Variants in SH3GL2 observed in about 807,000 individuals in gnomAD.
SH3GL2 encodes SH3 domain containing GRB2 like 2, endophilin A1.
A neutral mutation model predicts 46.0 loss-of-function variants in SH3GL2; 24 were observed. The ratio of observed to expected loss-of-function variants is 0.52; its 90% CI spans 0.38 to 0.73. The LOEUF (loss-of-function observed/expected upper bound fraction) is 0.73, where lower values mean the gene tolerates loss of function less well. SH3GL2 is among the 30% of genes least tolerant of loss of function. SH3GL2 has a pLI of 0.00. For synonymous variants in SH3GL2, 196 were observed against 147.1 expected (o/e 1.33, Z -2.40); for missense variants, 413 against 424.2 (o/e 0.97, Z 0.23).
chr9:17,763,756 G>T (rs1402621224), intron 3 of SH3GL2, among the ~76,000 whole-genome samples: 1 of 152,154 alleles, frequency 6.6e-6, no homozygotes, highest in African/African-American at 2.4e-5. Flanking sequence ...ACAAGGGTCA[G>T]AGAATTTAAG....
At chr9:17,742,673 A>G (rs1482570305) in intron 1 of SH3GL2, among the ~76,000 whole-genome samples, 1 of 152,166 alleles carries the variant, frequency 6.6e-6, no homozygotes, top group East Asian at 1.9e-4. Context: ...GGAAGACGAT[A>G]AAGAATAAGA....
intron 1 of SH3GL2, among the ~76,000 whole-genome samples, chr9:17,679,771 T>C (rs1234100104): frequency 6.6e-6 from 1 of 152,198 alleles, no homozygotes; most frequent in Non-Finnish European, 1.5e-5. Context: ...GGGTTTGTGA[T>C]AAATAGCTCT....
intron 3 of SH3GL2, among the ~76,000 whole-genome samples, chr9:17,775,992 A>G (rs1823631365): frequency 1.3e-5 from 2 of 152,178 alleles, no homozygotes; most frequent in South Asian, 4.1e-4. Context: ...CAGCAATTTA[A>G]ATCAGGTTGT....
At chr9:17,657,870 G>C (rs1299184879) in intron 1 of SH3GL2, among the ~76,000 whole-genome samples, 2 of 152,134 alleles carry the variant, frequency 1.3e-5, no homozygotes, top group Admixed American at 6.5e-5. Flanking sequence ...AGAAGAAGTT[G>C]ACCCTACCTC....
chr9:17,595,148 G>C (rs1260353144), intron 1 of SH3GL2, among the ~76,000 whole-genome samples: 5 of 152,176 alleles, frequency 3.3e-5, no homozygotes, highest in Non-Finnish European at 5.9e-5. Context: ...CAGTGGCAGA[G>C]TCAGGATTGA....
At chr9:17,692,483 TA>T in intron 1 of SH3GL2, among the ~76,000 whole-genome samples, 1 of 151,882 alleles carries the variant, frequency 6.6e-6, no homozygotes, top group Non-Finnish European at 1.5e-5. Context: ...CCATCTCTAC[TA>T]AAAATACAAA....
At chr9:17,688,438 TA>T (rs1228286530) in intron 1 of SH3GL2, among the ~76,000 whole-genome samples, 1 of 152,042 alleles carries the variant, frequency 6.6e-6, no homozygotes. Flanking sequence ...ATACATTATT[TA>T]TAAGCAGGAG....
intron 2 of SH3GL2, among the ~76,000 whole-genome samples, chr9:17,752,415 T>A (rs1308446583): frequency 2.0e-5 from 3 of 152,218 alleles, no homozygotes; most frequent in African/African-American, 7.2e-5. Context: ...TATGCCTTTT[T>A]AATATTTCTT....
intron 1 of SH3GL2, among the ~76,000 whole-genome samples, chr9:17,680,199 G>A (rs904869806): frequency 6.6e-6 from 1 of 152,170 alleles, no homozygotes; most frequent in African/African-American, 2.4e-5. Context: ...GTTTCAGATG[G>A]AATGGTACCA....
chr9:17,669,357 A>C (rs950915924), intron 1 of SH3GL2, among the ~76,000 whole-genome samples: 1 of 152,174 alleles, frequency 6.6e-6, no homozygotes, highest in East Asian at 1.9e-4. Context: ...TCACCACCGC[A>C]GTCAAAACAT....
At chr9:17,714,430 T>G (rs1020881864) in intron 1 of SH3GL2, among the ~76,000 whole-genome samples, 1 of 151,780 alleles carries the variant, frequency 6.6e-6, no homozygotes, top group Non-Finnish European at 1.5e-5. Flanking sequence ...AATCTGTTAT[T>G]TATTCATTTC....
At chr9:17,638,070 T>G (rs1429802919) in intron 1 of SH3GL2, among the ~76,000 whole-genome samples, 2 of 151,292 alleles carry the variant, frequency 1.3e-5, no homozygotes, top group African/African-American at 2.4e-5. Context: ...GGCAGGAGAA[T>G]GGCATGAACC....
intron 1 of SH3GL2, among the ~76,000 whole-genome samples, chr9:17,666,177 C>A (rs910434341): frequency 2.6e-5 from 4 of 151,880 alleles, no homozygotes; most frequent in African/African-American, 9.7e-5. Flanking sequence ...CAAAGTACTG[C>A]ATTCAGAAGT....
chr9:17,795,764 G>A lies in SH3GL2; in HGVS notation c.*21G>A, dbSNP rs1316242670. On this transcript the variant is annotated 3_prime_UTR_variant, in exon 9 of 9. Transcript: ENST00000380607. ...ATTAGGATGTTATGCTGGCTGGCTCGCCTCCTCTTGACCCAGATAGTTACG... is the reference window on the plus strand; with the variant it reads ...ATTAGGATGTTATGCTGGCTGGCTCACCTCCTCTTGACCCAGATAGTTACG... The A allele has an allele frequency of 3.1e-6, 5 of 1,592,454 alleles. No individual in the cohort carries two copies. Among genetic ancestry groups the A allele is most frequent in the Middle Eastern group, 1.7e-4 (1 of 5,880 alleles).
At chr9:17,733,835 T>C (rs543675412) in intron 1 of SH3GL2, among the ~76,000 whole-genome samples, 1 of 150,568 alleles carries the variant, frequency 6.6e-6, no homozygotes, top group South Asian at 2.1e-4. Context: ...ATGGATGAAA[T>C]TGGAAATCAT....
chr9:17,696,579 A>C (rs1821208629), intron 1 of SH3GL2, among the ~76,000 whole-genome samples: 1 of 152,148 alleles, frequency 6.6e-6, no homozygotes, highest in Admixed American at 6.6e-5. Context: ...ACAGGGCGGT[A>C]GGAAGGAGAA....
rs531484485 is a variant in SH3GL2, at chr9:17,729,357, A to G, written c.46-17709A>G. On this transcript the variant is annotated intron_variant, in intron 1 of 8. Coordinates refer to ENST00000380607, the MANE Select transcript of SH3GL2 (RefSeq NM_003026.5). Reference sequence around the variant, plus strand: ...TGTTTAAGTTCCTTGTAGATTCTGGATATTAGCCCTTTGTCAGATGGATAG... The same window carrying G: ...TGTTTAAGTTCCTTGTAGATTCTGGGTATTAGCCCTTTGTCAGATGGATAG... Among the ~76,000 whole-genome samples, 10 of 151,936 alleles carry G rather than the reference A, an allele frequency of 6.6e-5. No homozygotes were observed. The South Asian group carries it at 1.9e-3, about 28-fold the overall frequency.
chr9:17,781,846 C>T (rs953030127), intron 3 of SH3GL2, among the ~76,000 whole-genome samples: 4 of 151,928 alleles, frequency 2.6e-5, no homozygotes, highest in African/African-American at 9.6e-5. Flanking sequence ...ATTAGCCTTC[C>T]CAGCCTTACT....
At chr9:17,772,412 T>A (rs1823511142) in intron 3 of SH3GL2, among the ~76,000 whole-genome samples, 1 of 152,208 alleles carries the variant, frequency 6.6e-6, no homozygotes, top group Non-Finnish European at 1.5e-5. Context: ...ACATTCATAA[T>A]GTTGCGTAAT....
Sources: gnomAD v4.1 joint callset for allele counts (sites outside exome capture counted in the v4.1 genomes callset) on GRCh38, gnomAD v4.1.1 for gene constraint, MANE v1.5 for transcripts, NCBI Gene and HGNC (gene_info 2026-07-23, HGNC 2026-07-21) for gene names.